The following SCAPER variants were observed in gnomAD, a reference collection of about 807,000 sequenced individuals.
The protein encoded by SCAPER is S-phase cyclin A associated protein in the ER.
Under a neutral mutation model 182.2 loss-of-function variants are expected in SCAPER, and 98 were observed. That is an observed-to-expected ratio of 0.54 (90% CI 0.46 to 0.64). The LOEUF is 0.64. SCAPER is among the 30% of genes least tolerant of loss of function. SCAPER has a pLI of 0.00. For synonymous variants in SCAPER, 605 were observed against 564.6 expected, an observed-to-expected ratio of 1.07 and a Z score of -1.01; for missense variants, 1,432 against 1,690.0, an observed-to-expected ratio of 0.85 and a Z score of 2.68.
At chr15:76,592,211 A>G (rs2049174084) in intron 22 of SCAPER, among the ~76,000 whole-genome samples, 1 of 151,892 alleles carries the variant, frequency 6.6e-6, no homozygotes, top group African/African-American at 2.4e-5. Flanking sequence ...TAGGAATGAA[A>G]TTAAAATATT....
At chr15:76,807,073 G>A (rs1370341944) in intron 5 of SCAPER, among the ~76,000 whole-genome samples, 1 of 152,070 alleles carries the variant, frequency 6.6e-6, no homozygotes, top group Non-Finnish European at 1.5e-5. Context: ...AATTGCCCTG[G>A]CTAGAACCTT....
At chr15:76,623,798 ACAAAGACCATATGAT>A (rs2052322823) in intron 21 of SCAPER, among the ~76,000 whole-genome samples, 1 of 152,224 alleles carries the variant, frequency 6.6e-6, no homozygotes, top group African/African-American at 2.4e-5. Context: ...ACATTGATAA[ACAAAGACCATATGAT>A]CATCTCAATA....
At chr15:76,722,051 T>C (rs1173288511) in intron 17 of SCAPER, among the ~76,000 whole-genome samples, 1 of 152,216 alleles carries the variant, frequency 6.6e-6, no homozygotes, top group Non-Finnish European at 1.5e-5. Context: ...CACTATGATT[T>C]TGGCTGTGGG....
At position 76,767,050 on chromosome 15, in the gene SCAPER, T is replaced by C; in HGVS notation, c.1287A>G (p.Ala429=). The change falls in exon 11 of 32, where the codon GCA becomes GCG. Residue 429 remains alanine, a synonymous_variant. Coordinates refer to ENST00000563290, the MANE Select transcript of SCAPER (RefSeq NM_020843.4). ...AEVLAKKEEL[A]DRLEKANEEA... ...CTTCATTGGCCTTTTCTAGACGATC[T>C]GCTAGCTCTTCTTTTTTAGCAAGGA... 1 of 1,599,894 alleles carries C rather than the reference T, an allele frequency of 6.3e-7. No homozygotes were observed.
chr15:76,408,569 C>T (rs940222412), intron 26 of SCAPER, among the ~76,000 whole-genome samples: 1 of 151,822 alleles, frequency 6.6e-6, no homozygotes, highest in African/African-American at 2.4e-5. Flanking sequence ...TACATAGCCA[C>T]GTTATATTCA....
chr15:76,517,110 T>C (rs2042487801), intron 23 of SCAPER, among the ~76,000 whole-genome samples: 1 of 152,084 alleles, frequency 6.6e-6, no homozygotes, highest in South Asian at 2.1e-4. Context: ...AAGAGTGCTG[T>C]GGGAAAATCT....
Position 76,652,018 on chromosome 15 carries a change from A to C in SCAPER, c.2645+13635T>G, listed in dbSNP as rs902512269. ...CACCACATAAACAGAATCAAAAGCAAATTCCATATAACCATCTAAATAGAT... is the reference window on the plus strand; with the variant it reads ...CACCACATAAACAGAATCAAAAGCACATTCCATATAACCATCTAAATAGAT... On this transcript the variant is annotated intron_variant, in intron 21 of 31. Transcript: ENST00000563290. 2.6e-5 allele frequency among the ~76,000 whole-genome samples: 4 copies of C among 151,838 alleles called. No homozygotes were observed. The South Asian group carries it at 8.3e-4, about 32-fold the overall frequency.
chr15:76,491,965 T>C (rs1167227120), intron 24 of SCAPER, among the ~76,000 whole-genome samples: 1 of 152,212 alleles, frequency 6.6e-6, no homozygotes, highest in African/African-American at 2.4e-5. Flanking sequence ...AATTGACACG[T>C]TGAAGTGTCT....
chr15:76,371,644 T>G (rs1270482755), intron 29 of SCAPER, among the ~76,000 whole-genome samples: 1 of 148,392 alleles, frequency 6.7e-6, no homozygotes, highest in African/African-American at 2.5e-5. Context: ...TACGGCCGGG[T>G]GTGGTGGCTC....
At chr15:76,898,475 G>A (rs1432181402) in intron 1 of SCAPER, among the ~76,000 whole-genome samples, 2 of 152,170 alleles carry the variant, frequency 1.3e-5, no homozygotes, top group African/African-American at 2.4e-5. Flanking sequence ...TAGCCAAAAA[G>A]TAGAAACAGT....
chr15:76,525,026 G>T (rs1439224165), intron 23 of SCAPER, among the ~76,000 whole-genome samples: 1 of 151,944 alleles, frequency 6.6e-6, no homozygotes. Context: ...CTTTGTCTGG[G>T]TGCCTATTTT....
chr15:76,871,427 C>G (rs2072723049), intron 2 of SCAPER, among the ~76,000 whole-genome samples: 1 of 148,974 alleles, frequency 6.7e-6, no homozygotes, highest in Admixed American at 6.7e-5. Context: ...AAAAAAAAAC[C>G]TAATAAAAAA....
At chr15:76,588,871 CTA>C (rs1253471415) in intron 22 of SCAPER, among the ~76,000 whole-genome samples, 2 of 152,032 alleles carry the variant, frequency 1.3e-5, no homozygotes, top group African/African-American at 4.8e-5. Context: ...TTTGGGTAGG[CTA>C]TGTCAGAGGG....
intron 1 of SCAPER, among the ~76,000 whole-genome samples, chr15:76,901,846 A>G (rs1253467161): frequency 1.3e-5 from 2 of 152,090 alleles, no homozygotes; most frequent in East Asian, 1.9e-4. Flanking sequence ...CAGCCTCCTG[A>G]GTAGCTGGGA....
At chr15:76,769,868 G>C (rs966320916) in intron 10 of SCAPER, among the ~76,000 whole-genome samples, 4 of 152,054 alleles carry the variant, frequency 2.6e-5, no homozygotes, top group Admixed American at 2.6e-4. Context: ...ATACCCAAAG[G>C]ATTATAAATC....
chr15:76,700,658 A>G (rs1442367069), intron 20 of SCAPER, among the ~76,000 whole-genome samples: 2 of 152,222 alleles, frequency 1.3e-5, no homozygotes, highest in Non-Finnish European at 2.9e-5. Context: ...GCATCTAGTC[A>G]GCCATCTTGG....
chr15:76,604,474 C>T lies in SCAPER; in HGVS notation c.2711+17290G>A, dbSNP rs1463544241. On this transcript the variant is annotated intron_variant, in intron 22 of 31. Transcript: ENST00000563290. The stretch of plus-strand genomic sequence containing the variant: ...CAGGTAAGCGGGATGCCTCCAGCTT[C>T]GTTCTTTTGCCTTAGGATTGACTTG... Among the ~76,000 whole-genome samples, 84 of 120,354 alleles carry T rather than the reference C, an allele frequency of 7.0e-4. 27 individuals are homozygous for T. The highest frequency in any genetic ancestry group is 1.5e-3 in the Non-Finnish European group (74 of 49,544). The allele number at this position is 120,354 out of a possible 152,430, so 79.0% of individuals were successfully genotyped here. A position where few individuals can be genotyped will look rare whatever the true frequency, so the allele number is the denominator to read the frequency against.
At chr15:76,886,147 AT>A (rs2073826973) in intron 1 of SCAPER, among the ~76,000 whole-genome samples, 1 of 152,162 alleles carries the variant, frequency 6.6e-6, no homozygotes, top group African/African-American at 2.4e-5. Flanking sequence ...ATTTATATAA[AT>A]TTTTTAAAAG....
At chr15:76,727,707 T>A (rs1446414508) in intron 17 of SCAPER, among the ~76,000 whole-genome samples, 1 of 152,050 alleles carries the variant, frequency 6.6e-6, no homozygotes, top group African/African-American at 2.4e-5. Context: ...GTTTGTTCAG[T>A]TCTACTAAAC....
Sources: gnomAD v4.1 joint callset for allele counts (sites outside exome capture counted in the v4.1 genomes callset) on GRCh38, gnomAD v4.1.1 for gene constraint, MANE v1.5 for transcripts, NCBI Gene and HGNC (gene_info 2026-07-23, HGNC 2026-07-21) for gene names.